Variants in TMC2 observed in about 807,000 individuals in gnomAD.
TMC2 encodes transmembrane channel-like protein 2.
In TMC2, 102 loss-of-function variants were observed where a neutral mutation model predicts 105.9. That is an observed-to-expected ratio of 0.96 (90% CI 0.82 to 1.14). The LOEUF is 1.14. TMC2 is among the 50% of genes most tolerant of loss of function. The probability of loss-of-function intolerance (pLI) is 0.00; values close to 1 mark genes in which losing one functional copy is unlikely to be tolerated. For missense variants in TMC2, 1,093 were observed against 1,134.3 expected, an observed-to-expected ratio of 0.96 and a Z score of 0.52; for synonymous variants, 402 against 422.8, an observed-to-expected ratio of 0.95 and a Z score of 0.60.
In TMC2 at chr20:2,595,299, C is replaced by G. The variant is rs927262150; in HGVS notation, c.1076+332C>G. Among the ~76,000 whole-genome samples the G allele has an allele frequency of 2.0e-5, 3 of 152,270 alleles. No individual in the cohort carries two copies. In the East Asian group the frequency reaches 5.8e-4, roughly 29 times the overall value. On this transcript the variant is annotated intron_variant, in intron 9 of 19. Transcript: ENST00000358864. ...AGTGTTTTCCCAAACTGCCAAAAGGCCAGTGTGGCTTGAGAGGGAGCATAG... is the reference window on the plus strand; with the variant it reads ...AGTGTTTTCCCAAACTGCCAAAAGGGCAGTGTGGCTTGAGAGGGAGCATAG...
intron 12 of TMC2, 113 bp from the exon 13 acceptor site, chr20:2,612,078 G>C (rs546000619): frequency 1.4e-5 from 15 of 1,085,556 alleles, no homozygotes; most frequent in African/African-American, 3.1e-5. Flanking sequence ...GTCCAGGGGA[G>C]AGCAGAAGCT....
At chr20:2,624,515 A>G in intron 17 of TMC2, 119 bp downstream of exon 17, 1 of 1,197,472 alleles carries the variant, frequency 8.4e-7, no homozygotes, top group Admixed American at 2.3e-5. Context: ...AGCAGAATCC[A>G]TGACAAGGAT....
At chr20:2,550,651 A>T (rs1202688274) in intron 2 of TMC2, among the ~76,000 whole-genome samples, 1 of 151,988 alleles carries the variant, frequency 6.6e-6, no homozygotes, top group Non-Finnish European at 1.5e-5. Context: ...TCTCCCTCCC[A>T]CTGAACCCTC....
At chr20:2,625,174 A>G (rs1263940206) in intron 17 of TMC2, among the ~76,000 whole-genome samples, 1 of 152,200 alleles carries the variant, frequency 6.6e-6, no homozygotes, top group East Asian at 1.9e-4. Context: ...TAAAAATGTT[A>G]GCATTTTTTC....
chr20:2,571,863 CA>C (rs2086105526), intron 4 of TMC2, among the ~76,000 whole-genome samples: 1 of 152,128 alleles, frequency 6.6e-6, no homozygotes, highest in Non-Finnish European at 1.5e-5. Flanking sequence ...AAAATAAAAT[CA>C]GTAATCTTAA....
At chr20:2,570,526 C>G (rs941588590) in intron 4 of TMC2, among the ~76,000 whole-genome samples, 2 of 151,972 alleles carry the variant, frequency 1.3e-5, no homozygotes, top group South Asian at 4.2e-4. Context: ...AAAAAAAAAT[C>G]CATGCTCATG....
chr20:2,593,402 A>T (rs540070000), intron 8 of TMC2, among the ~76,000 whole-genome samples: 1 of 152,220 alleles, frequency 6.6e-6, no homozygotes, highest in Admixed American at 6.5e-5. Flanking sequence ...ATGAGAATCA[A>T]TGAATATCTG....
chr20:2,576,726 C>T (rs1568511083), intron 5 of TMC2, among the ~76,000 whole-genome samples: 1 of 152,110 alleles, frequency 6.6e-6, no homozygotes, highest in East Asian at 1.9e-4. Flanking sequence ...TTTTTGATAG[C>T]TGAGTTAGTA....
At chr20:2,579,751 C>T (rs1166186339) in intron 6 of TMC2, among the ~76,000 whole-genome samples, 199 bp from the exon 7 acceptor site, 1 of 152,034 alleles carries the variant, frequency 6.6e-6, no homozygotes, top group East Asian at 1.9e-4. Context: ...TCTGCTTTTT[C>T]ACTTTCTGAC....
chr20:2,624,270 G>C lies in TMC2; in HGVS notation c.2181-1G>C. 1.9e-6 allele frequency: 3 copies of C among 1,613,474 alleles called. No homozygotes were observed. Among genetic ancestry groups the C allele is most frequent in the Non-Finnish European group, 2.5e-6 (3 of 1,179,728 alleles). On this transcript the variant is annotated splice_acceptor_variant, in intron 16 of 19. Coordinates refer to ENST00000358864, the MANE Select transcript of TMC2 (RefSeq NM_080751.3). LOFTEE classifies it high-confidence loss of function. ...TATATTGTGTCCTCTCCTTTTTCCA[G>C]TGGGAAAAACAGAATGTACGATGTC...
chr20:2,616,910 T>C lies in TMC2; in HGVS notation c.1941-162T>C, dbSNP rs1399357133. ...TGAGGACTGCATGGTTCTGGCTTGA[T>C]GATCGATATTCTGGTTAAATGGGAG... On this transcript the variant is annotated intron_variant, in intron 15 of 19. Coordinates refer to ENST00000358864, the MANE Select transcript of TMC2 (RefSeq NM_080751.3). This position sits in a 1 kb window ranked among gnomAD's most constrained non-coding sequence, Gnocchi z 4.8. Among the ~76,000 whole-genome samples the C allele has an allele frequency of 6.6e-6, 1 of 152,222 alleles. No homozygotes were observed. The highest frequency in any genetic ancestry group is 1.5e-5 in the Non-Finnish European group (1 of 68,018).
At position 2,616,425 on chromosome 20, in the gene TMC2, G is replaced by A. The variant is rs188226526; in HGVS notation, c.1940+221G>A. ...ATAGAAGTAGAGAGAAAGGGAGAGGGGTTGGTGGAGGAGAAAAGGAAAAGG... is the reference window on the plus strand; with the variant it reads ...ATAGAAGTAGAGAGAAAGGGAGAGGAGTTGGTGGAGGAGAAAAGGAAAAGG... On this transcript the variant is annotated intron_variant, in intron 15 of 19. Transcript: ENST00000358864. This position sits in a 1 kb window ranked among gnomAD's most constrained non-coding sequence, Gnocchi z 4.8. Among the ~76,000 whole-genome samples, 3,819 of 151,618 alleles carry A rather than the reference G, an allele frequency of 0.025. 151 individuals are homozygous for A. The highest frequency in any genetic ancestry group is 0.088 in the African/African-American group (3,592 of 40,984).
chr20:2,551,927 G>C lies in TMC2; in HGVS notation c.83-6529G>C, dbSNP rs74729394. On this transcript the variant is annotated intron_variant, in intron 2 of 19. Transcript: ENST00000358864. The stretch of plus-strand genomic sequence containing the variant: ...GAGCTTTAGAGTCTTGATGTGGATT[G>C]TGCTGGATATTCTGGGTCTTTTGCC... 4.5e-3 allele frequency among the ~76,000 whole-genome samples: 678 copies of C among 152,264 alleles called. 4 individuals are homozygous for C. Among genetic ancestry groups the C allele is most frequent in the Non-Finnish European group, 6.5e-3 (442 of 68,022 alleles).
intron 2 of TMC2, among the ~76,000 whole-genome samples, chr20:2,553,197 T>C (rs1270484738): frequency 6.6e-6 from 1 of 152,226 alleles, no homozygotes; most frequent in Non-Finnish European, 1.5e-5. Context: ...AAGTATCTAG[T>C]TTCTCACCAC....
chr20:2,587,031 A>G (rs1219830064), intron 7 of TMC2, among the ~76,000 whole-genome samples: 2 of 152,072 alleles, frequency 1.3e-5, no homozygotes, highest in Admixed American at 6.6e-5. Flanking sequence ...TTTGTATGAA[A>G]CTGATACTTT....
chr20:2,641,682 G>T lies in TMC2; in HGVS notation c.*331G>T, dbSNP rs940309073. ...TTGGGGAAGGGCCATGACCACCCTC[G>T]TAGACTTTTTCCATGGGATACAGTT... On this transcript the variant is annotated 3_prime_UTR_variant, in exon 20 of 20. Coordinates refer to ENST00000358864, the MANE Select transcript of TMC2 (RefSeq NM_080751.3). The T allele has an allele frequency of 7.3e-6, 2 of 272,738 alleles. No individual in the cohort carries two copies. The highest frequency in any genetic ancestry group is 7.1e-6 in the Non-Finnish European group (1 of 140,610). 16.9% of individuals were successfully genotyped at this position (272,738 alleles called of 1,614,324 possible). A position where few individuals can be genotyped will look rare whatever the true frequency, so the allele number is the denominator to read the frequency against.
intron 17 of TMC2, among the ~76,000 whole-genome samples, chr20:2,629,513 T>C (rs902277929): frequency 7.9e-5 from 11 of 138,658 alleles, no homozygotes; most frequent in African/African-American, 3.0e-4. Context: ...TTCTAATTAT[T>C]GATTTCTTAC....
intron 7 of TMC2, among the ~76,000 whole-genome samples, chr20:2,584,235 G>C (rs1002016075): frequency 6.6e-6 from 1 of 151,808 alleles, no homozygotes; most frequent in Admixed American, 6.6e-5. Flanking sequence ...ACGAGGTCAG[G>C]AGATCGAGAC....
chr20:2,543,580 T>G (rs962214264), intron 2 of TMC2, among the ~76,000 whole-genome samples: 2 of 152,204 alleles, frequency 1.3e-5, no homozygotes, highest in Non-Finnish European at 2.9e-5. Context: ...AATCCTGTAA[T>G]GAACAATCAA....
Sources: gnomAD v4.1 joint callset for allele counts (sites outside exome capture counted in the v4.1 genomes callset) on GRCh38, gnomAD v4.1.1 for gene constraint, Gnocchi (gnomAD v3.1) non-coding constraint, MANE v1.5 for transcripts, NCBI Gene and HGNC (gene_info 2026-07-23, HGNC 2026-07-21) for gene names.